Variants in TENM3 observed in about 807,000 individuals in gnomAD.
TENM3 encodes teneurin-3.
A neutral mutation model predicts 255.1 loss-of-function variants in TENM3; 63 were observed. That is an observed-to-expected ratio of 0.25 (90% CI 0.20 to 0.30). The LOEUF (loss-of-function observed/expected upper bound fraction) is 0.30. TENM3 is among the 10% of genes least tolerant of loss of function. The pLI, the probability that TENM3 is intolerant of heterozygous loss-of-function variation, is 1.00. For synonymous variants in TENM3, 1,306 were observed against 1,322.3 expected, an observed-to-expected ratio of 0.99 and a Z score of 0.27; for missense variants, 2,929 against 3,461.1, an observed-to-expected ratio of 0.85 and a Z score of 3.86.
chr4:181,785,835 C>T, the TENM3 span, among the ~76,000 whole-genome samples: 1 of 151,782 alleles, frequency 6.6e-6, no homozygotes, highest in African/African-American at 2.4e-5. Context: ...CACACACACA[C>T]ACAAACACAC....
chr4:182,729,480 A>C (rs2152708913), intron 14 of TENM3, among the ~76,000 whole-genome samples: 1 of 152,356 alleles, frequency 6.6e-6, no homozygotes, highest in South Asian at 2.1e-4. Flanking sequence ...GAAGCAGTGA[A>C]AAGACCCCAA....
chr4:182,037,357 G>A, the TENM3 span, among the ~76,000 whole-genome samples: 8 of 151,810 alleles, frequency 5.3e-5, no homozygotes, highest in African/African-American at 9.7e-5. Context: ...CAGGTTGGCC[G>A]GGCTGGTCTC....
intron 3 of TENM3, among the ~76,000 whole-genome samples, chr4:182,485,881 T>A (rs1399450495): frequency 1.3e-5 from 2 of 152,066 alleles, no homozygotes; most frequent in African/African-American, 2.4e-5. Context: ...TTATACAGTT[T>A]TATGTACAGG....
the TENM3 span, among the ~76,000 whole-genome samples, chr4:181,506,015 TA>T: frequency 2.0e-5 from 3 of 152,174 alleles, no homozygotes; most frequent in African/African-American, 7.2e-5. Context: ...AATAGATTGA[TA>T]AAAAACGTTT....
chr4:181,833,352 A>G, the TENM3 span, among the ~76,000 whole-genome samples: 4 of 152,100 alleles, frequency 2.6e-5, no homozygotes, highest in Non-Finnish European at 5.9e-5. Flanking sequence ...AACTCAGGCT[A>G]CCACTTACTG....
intron 1 of TENM3, among the ~76,000 whole-genome samples, chr4:182,229,515 T>C (rs1201263035): frequency 6.6e-6 from 1 of 152,156 alleles, no homozygotes; most frequent in Non-Finnish European, 1.5e-5. Context: ...TTGCTATGCA[T>C]TTTAACCATT....
chr4:181,977,925 A>G, the TENM3 span, among the ~76,000 whole-genome samples: 10 of 152,346 alleles, frequency 6.6e-5, no homozygotes, highest in African/African-American at 2.2e-4. Flanking sequence ...AAGAACAATC[A>G]GTATCAAAGA....
the TENM3 span, among the ~76,000 whole-genome samples, chr4:182,102,306 G>T: frequency 6.6e-6 from 1 of 152,118 alleles, no homozygotes; most frequent in African/African-American, 2.4e-5. Flanking sequence ...TCTTGATGGT[G>T]GTAATCAGAC....
At chr4:182,106,015 G>A in the TENM3 span, among the ~76,000 whole-genome samples, 1 of 152,174 alleles carries the variant, frequency 6.6e-6, no homozygotes, top group Admixed American at 6.5e-5. Flanking sequence ...GTACTGTTGG[G>A]CTTCGGGATG....
At chr4:182,125,443 G>T in the TENM3 span, among the ~76,000 whole-genome samples, 1 of 152,294 alleles carries the variant, frequency 6.6e-6, no homozygotes, top group East Asian at 1.9e-4. Context: ...CCAGTTTCAG[G>T]CATCTACTGG....
At chr4:181,829,330 TA>T in the TENM3 span, among the ~76,000 whole-genome samples, 3 of 152,210 alleles carry the variant, frequency 2.0e-5, no homozygotes, top group African/African-American at 7.2e-5. Flanking sequence ...TGTTTCTGTC[TA>T]AAATGTTGTA....
At chr4:182,586,912 G>A (rs577220932) in intron 3 of TENM3, among the ~76,000 whole-genome samples, 20 of 152,194 alleles carry the variant, frequency 1.3e-4, no homozygotes, top group Middle Eastern at 3.4e-3. Context: ...GATCAGTAGC[G>A]TCATTGGGAA....
intron 3 of TENM3, among the ~76,000 whole-genome samples, chr4:182,408,703 AT>A (rs1411185131): frequency 6.6e-6 from 1 of 152,256 alleles, no homozygotes; most frequent in Non-Finnish European, 1.5e-5. Flanking sequence ...CCTTTATAGT[AT>A]ACTTTTCTTA....
the TENM3 span, among the ~76,000 whole-genome samples, chr4:181,890,584 A>C: frequency 6.6e-6 from 1 of 152,302 alleles, no homozygotes; most frequent in African/African-American, 2.4e-5. Context: ...TTTGCACTTA[A>C]GATTATTAAA....
At chr4:182,294,690 T>C (rs1291889950) in intron 1 of TENM3, among the ~76,000 whole-genome samples, 3 of 152,226 alleles carry the variant, frequency 2.0e-5, no homozygotes, top group Non-Finnish European at 2.9e-5. Context: ...CAAAAGCTGC[T>C]GTACTACTGA....
intron 3 of TENM3, among the ~76,000 whole-genome samples, chr4:182,540,556 C>T (rs1740771454): frequency 6.6e-6 from 1 of 151,950 alleles, no homozygotes; most frequent in Non-Finnish European, 1.5e-5. Flanking sequence ...CATTGCACTC[C>T]AACCTGGAGA....
the TENM3 span, among the ~76,000 whole-genome samples, chr4:182,117,465 G>T: frequency 6.6e-6 from 1 of 152,110 alleles, no homozygotes; most frequent in East Asian, 1.9e-4. Context: ...CCCATTTTGA[G>T]TTAATTTTTG....
At chr4:181,728,627 C>A in the TENM3 span, among the ~76,000 whole-genome samples, 1 of 152,124 alleles carries the variant, frequency 6.6e-6, no homozygotes, top group East Asian at 1.9e-4. Flanking sequence ...GTGAGGAGGA[C>A]CAGAGGTCAC....
chr4:181,929,154 A>G, the TENM3 span, among the ~76,000 whole-genome samples: 1 of 152,196 alleles, frequency 6.6e-6, no homozygotes, highest in Non-Finnish European at 1.5e-5. Flanking sequence ...CATCACAATG[A>G]CAGGATCAAA....
Sources: gnomAD v4.1 joint callset for allele counts (sites outside exome capture counted in the v4.1 genomes callset) on GRCh38, gnomAD v4.1.1 for gene constraint, MANE v1.5 for transcripts, NCBI Gene and HGNC (gene_info 2026-07-23, HGNC 2026-07-21) for gene names.